HIVEP2: variants seen among roughly 807,000 people sequenced by gnomAD.
HIVEP2 encodes the protein transcription factor HIVEP2.
HIVEP2 carries 14 observed loss-of-function variants against 180.7 expected under a neutral mutation model. The ratio of observed to expected loss-of-function variants is 0.08; its 90% CI spans 0.05 to 0.12. The LOEUF (loss-of-function observed/expected upper bound fraction) is 0.12, where lower values mean the gene tolerates loss of function less well. Ranked by LOEUF, HIVEP2 falls within the 10% of genes least tolerant of loss-of-function variation. HIVEP2 has a pLI of 1.00. For missense variants in HIVEP2, 2,579 were observed against 3,008.5 expected, an observed-to-expected ratio of 0.86 and a Z score of 3.34; for synonymous variants, 1,184 against 1,136.4, an observed-to-expected ratio of 1.04 and a Z score of -0.84.
chr6:142,919,389 T>C (rs891274802), intron 1 of HIVEP2, among the ~76,000 whole-genome samples: 7 of 152,196 alleles, frequency 4.6e-5, no homozygotes, highest in African/African-American at 1.4e-4. Flanking sequence ...CTTTAAAAAT[T>C]AAAAAGCAAA....
rs1294273861 is a variant in HIVEP2 at position 142,774,463 on chromosome 6, G to A, written c.276C>T (p.Tyr92=). ...GGAAAGAGAGTGAGTGTTGGCATGAGTAAGGACTCGGACGATGCGGTGGAT... is the reference window on the plus strand; with the variant it reads ...GGAAAGAGAGTGAGTGTTGGCATGAATAAGGACTCGGACGATGCGGTGGAT... ...KQYPPHRPSP[Y]SCQHSLSFPQ... is the part of the protein sequence containing the mutation. Residue 92 remains tyrosine (Y), a synonymous_variant, in exon 5 of 10, where the codon TAC becomes TAT. Coordinates refer to ENST00000367603, the MANE Select transcript of HIVEP2 (RefSeq NM_006734.4). The surrounding 1 kb of genome is among the most constrained non-coding windows in gnomAD (Gnocchi z 5.1). 1 of 1,614,142 alleles carries A rather than the reference G, an allele frequency of 6.2e-7. No homozygotes were observed.
intron 1 of HIVEP2, among the ~76,000 whole-genome samples, chr6:142,892,564 CAG>C (rs1267710142): frequency 2.0e-5 from 3 of 152,126 alleles, no homozygotes; most frequent in African/African-American, 7.2e-5. Context: ...AATGATAAGA[CAG>C]AAGTGATTGG....
chr6:142,813,202 TA>T (rs1472265484), intron 2 of HIVEP2, among the ~76,000 whole-genome samples: 1 of 152,218 alleles, frequency 6.6e-6, no homozygotes, highest in Non-Finnish European at 1.5e-5. Flanking sequence ...TATACATCAA[TA>T]ATGAAAACCC....
In HIVEP2 at chr6:142,942,467, T is replaced by A. The variant is rs62428834; in HGVS notation, c.-641+2632A>T. On this transcript the variant is annotated intron_variant, in intron 1 of 9. Coordinates refer to ENST00000367603, the MANE Select transcript of HIVEP2 (RefSeq NM_006734.4). ...CCTATATACTGTCCTCTGTTTTGTT[T>A]TCATGGTAACAAGAACATTCACAAA... is the stretch of plus-strand genomic sequence containing the variant. Among the ~76,000 whole-genome samples, 284 of 152,332 alleles carry A rather than the reference T, an allele frequency of 1.9e-3. 1 individual carries two copies. The highest frequency in any genetic ancestry group is 3.0e-3 in the Non-Finnish European group (205 of 68,020).
intron 1 of HIVEP2, among the ~76,000 whole-genome samples, chr6:142,846,059 C>T (rs1040222066): frequency 6.6e-6 from 1 of 152,232 alleles, no homozygotes; most frequent in Non-Finnish European, 1.5e-5. Flanking sequence ...ACGGCAACAA[C>T]AGCCTGGCCT....
intron 2 of HIVEP2, among the ~76,000 whole-genome samples, chr6:142,836,664 AATC>A (rs1775230268): frequency 6.6e-6 from 1 of 152,294 alleles, no homozygotes; most frequent in African/African-American, 2.4e-5. Context: ...ATAATAAGCA[AATC>A]ATCATTAATA....
At position 142,803,811 on chromosome 6, in the gene HIVEP2, C is replaced by T. The variant is rs115478335; in HGVS notation, c.-527-20196G>A. Among the ~76,000 whole-genome samples, 1,018 of 152,224 alleles carry T rather than the reference C, an allele frequency of 6.7e-3. 10 individuals are homozygous for T. Among genetic ancestry groups the T allele is most frequent in the African/African-American group, 0.023 (960 of 41,544 alleles). On this transcript the variant is annotated intron_variant, in intron 2 of 9. Transcript: ENST00000367603. Reference sequence around the variant, plus strand: ...CCTGAGACACAGAGAGATGACTTCTCTTCTTTGGCACCCAGTGTATGGGAA... The same window carrying T: ...CCTGAGACACAGAGAGATGACTTCTTTTCTTTGGCACCCAGTGTATGGGAA...
intron 2 of HIVEP2, among the ~76,000 whole-genome samples, chr6:142,827,957 G>A (rs1774957997): frequency 6.6e-6 from 1 of 152,278 alleles, no homozygotes; most frequent in South Asian, 2.1e-4. Flanking sequence ...CTCAAGATAA[G>A]TAATAACCTT....
chr6:142,888,142 CA>C (rs1190008818), intron 1 of HIVEP2, among the ~76,000 whole-genome samples: 1 of 152,158 alleles, frequency 6.6e-6, no homozygotes, highest in Non-Finnish European at 1.5e-5. Context: ...ACAGATAACT[CA>C]CATTTAGACT....
At chr6:142,810,110 G>A (rs562073006) in intron 2 of HIVEP2, among the ~76,000 whole-genome samples, 140 of 152,132 alleles carry the variant, frequency 9.2e-4, no homozygotes, top group African/African-American at 3.1e-3. Flanking sequence ...TCGTCCATAG[G>A]GATAACAACA....
At chr6:142,813,217 G>A (rs1037682596) in intron 2 of HIVEP2, among the ~76,000 whole-genome samples, 9 of 151,960 alleles carry the variant, frequency 5.9e-5, no homozygotes, top group African/African-American at 2.2e-4. Flanking sequence ...AAAACCCATA[G>A]GCAGGTTATT....
At chr6:142,933,524 A>G (rs1777986262) in intron 1 of HIVEP2, among the ~76,000 whole-genome samples, 1 of 152,226 alleles carries the variant, frequency 6.6e-6, no homozygotes. Context: ...GAAAAGAAGG[A>G]CTATCAGGAT....
chr6:142,762,652 C>T (rs1775279163), intron 7 of HIVEP2, among the ~76,000 whole-genome samples: 1 of 152,162 alleles, frequency 6.6e-6, no homozygotes, highest in Non-Finnish European at 1.5e-5. Flanking sequence ...TAAGAGAAGG[C>T]TCTGTGAAAT....
At chr6:142,881,773 C>T (rs1323220558) in intron 1 of HIVEP2, among the ~76,000 whole-genome samples, 2 of 152,180 alleles carry the variant, frequency 1.3e-5, no homozygotes, top group Non-Finnish European at 2.9e-5. Context: ...CTGTGTCTCT[C>T]GCTGAGTTCC....
intron 1 of HIVEP2, among the ~76,000 whole-genome samples, chr6:142,928,625 A>G (rs189099379): frequency 2.6e-5 from 4 of 152,368 alleles, no homozygotes; most frequent in Admixed American, 2.6e-4. Context: ...CATCTGAATA[A>G]TACAACTTTA....
chr6:142,772,307 G>T lies in HIVEP2; in HGVS notation c.2432C>A (p.Pro811His). The change falls in exon 5 of 10, where the codon CCC becomes CAC. Residue 811 changes from proline to histidine, a missense_variant. Coordinates refer to ENST00000367603, the MANE Select transcript of HIVEP2 (RefSeq NM_006734.4). The surrounding 1 kb of genome is among the most constrained non-coding windows in gnomAD (Gnocchi z 4.9). ...TGACTCAGACCTTTCAAATGAATTG[G>T]GTCGGCTCAGTGAGTTGGTGTGCTG... ...VIQHTNSLSR[P>H]NSFERSESAE... The T allele has an allele frequency of 6.2e-7, 1 of 1,614,190 alleles. No homozygotes were observed. Among genetic ancestry groups the T allele is most frequent in the East Asian group, 2.2e-5 (1 of 44,888 alleles).
chr6:142,808,500 G>A (rs1267034701), intron 2 of HIVEP2, among the ~76,000 whole-genome samples: 2 of 150,228 alleles, frequency 1.3e-5, no homozygotes, highest in Non-Finnish European at 3.0e-5. Flanking sequence ...ATGGATAGAT[G>A]GAGGGATGAA....
chr6:142,790,703 G>C (rs1048215275), intron 2 of HIVEP2, among the ~76,000 whole-genome samples: 1 of 152,152 alleles, frequency 6.6e-6, no homozygotes, highest in Non-Finnish European at 1.5e-5. Flanking sequence ...TTTGAATTAA[G>C]TAAACAAAGA....
intron 7 of HIVEP2, among the ~76,000 whole-genome samples, chr6:142,764,336 A>T (rs543353140): frequency 6.6e-6 from 1 of 152,352 alleles, no homozygotes; most frequent in South Asian, 2.1e-4. Flanking sequence ...TCTATGCATA[A>T]TTAATGCAAC....
Sources: allele counts gnomAD v4.1 joint callset (sites outside exome capture counted in the v4.1 genomes callset), GRCh38; gene constraint gnomAD v4.1.1; non-coding constraint Gnocchi (gnomAD v3.1); transcripts MANE v1.5; gene names NCBI Gene and HGNC (gene_info 2026-07-23, HGNC 2026-07-21).